Variants in MRPL42 observed in about 807,000 individuals in gnomAD.
The protein encoded by MRPL42 is large ribosomal subunit protein mL42.
In MRPL42, 17 loss-of-function variants were observed where a neutral mutation model predicts 17.9. The observed-to-expected ratio is 0.95, with a 90% CI of 0.65 to 1.42. MRPL42 has a LOEUF of 1.42. MRPL42 is among the 40% of genes most tolerant of loss of function. The probability of loss-of-function intolerance (pLI) is 0.00; values close to 1 mark genes in which losing one functional copy is unlikely to be tolerated. For synonymous variants in MRPL42, 59 were observed against 54.4 expected (o/e 1.08, Z -0.37); for missense variants, 177 against 175.2 (o/e 1.01, Z -0.06).
At chr12:93,492,276 C>T (rs1319399255) in intron 5 of MRPL42, among the ~76,000 whole-genome samples, 2 of 152,172 alleles carry the variant, frequency 1.3e-5, no homozygotes, top group African/African-American at 4.8e-5. Flanking sequence ...GCCTTGCCAA[C>T]ATTTATTATT....
chr12:93,473,327 C>T (rs1404226625), intron 2 of MRPL42, among the ~76,000 whole-genome samples: 1 of 151,938 alleles, frequency 6.6e-6, no homozygotes, highest in African/African-American at 2.4e-5. Context: ...GTGGTGCAGT[C>T]TTGGCCCACT....
chr12:93,507,437 T>C lies in MRPL42; in HGVS notation c.*6216T>C, dbSNP rs1953682658. 1 of 152,238 alleles carries C rather than the reference T, an allele frequency of 6.6e-6. No homozygotes were observed. Among genetic ancestry groups the C allele is most frequent in the Non-Finnish European group, 1.5e-5 (1 of 68,046 alleles). 9.4% of individuals were successfully genotyped at this position (152,238 alleles called of 1,614,324 possible). A position where few individuals can be genotyped will look rare whatever the true frequency, so the allele number is the denominator to read the frequency against. ...AGAAACTTTCAGTTTCTTTTAAGGA[T>C]TTAATAACTTGCTTATAAGTGTTTA... On this transcript the variant is annotated 3_prime_UTR_variant, in exon 6 of 6. Coordinates refer to ENST00000549982, the MANE Select transcript of MRPL42 (RefSeq NM_014050.4).
At chr12:93,500,632 TGTG>T (rs1953572781) in intron 5 of MRPL42, 1 of 152,256 alleles carries the variant, frequency 6.6e-6, no homozygotes, top group South Asian at 2.1e-4. Flanking sequence ...ATGTTCACGA[TGTG>T]GTGTTTCTTT....
chr12:93,473,627 C>T (rs1880013067), intron 2 of MRPL42, among the ~76,000 whole-genome samples: 2 of 151,860 alleles, frequency 1.3e-5, no homozygotes, highest in African/African-American at 4.8e-5. Flanking sequence ...GATGGGGTTC[C>T]ACCATGTTGA....
intron 5 of MRPL42, 27 bp from the exon 6 acceptor site, chr12:93,501,149 T>C (rs1427871485): frequency 1.7e-5 from 26 of 1,526,650 alleles, no homozygotes; most frequent in Non-Finnish European, 2.3e-5. Flanking sequence ...AAAATCATCT[T>C]ATTCCAAGTA....
chr12:93,470,602 A>G (rs772562685), intron 2 of MRPL42: 38 of 1,188,832 alleles, frequency 3.2e-5, no homozygotes, highest in African/African-American at 6.3e-5. Flanking sequence ...TAGTTTTTCA[A>G]CTCTTCCCTC....
intron 2 of MRPL42, among the ~76,000 whole-genome samples, chr12:93,471,408 C>T (rs1459799002): frequency 6.6e-6 from 1 of 152,102 alleles, no homozygotes; most frequent in Non-Finnish European, 1.5e-5. Flanking sequence ...AAATGATCCT[C>T]CTGCCTTGGC....
rs1592796457 is a variant in MRPL42 at position 93,515,924 on chromosome 12, C to T, written c.*14703C>T. On this transcript the variant is annotated 3_prime_UTR_variant, in exon 6 of 6. Coordinates refer to ENST00000549982, the MANE Select transcript of MRPL42 (RefSeq NM_014050.4). ...GGTCATGGTGCCATCCAGAAAATAC[C>T]AAAAATCACCCTCTCTCAGCTAAAA... is the stretch of plus-strand genomic sequence containing the variant. 6.6e-6 allele frequency: 1 copy of T among 152,076 alleles called. No individual in the cohort carries two copies. Among genetic ancestry groups the T allele is most frequent in the East Asian group, 1.9e-4 (1 of 5,200 alleles). 9.4% of individuals were successfully genotyped at this position (152,076 alleles called of 1,614,324 possible).
chr12:93,491,286 T>C (rs186339571), intron 5 of MRPL42, among the ~76,000 whole-genome samples: 1 of 152,328 alleles, frequency 6.6e-6, no homozygotes, highest in African/African-American at 2.4e-5. Context: ...CCATAGGGAA[T>C]TGGGTATAAT....
chr12:93,485,335 T>A (rs1223677144), intron 4 of MRPL42, among the ~76,000 whole-genome samples: 3 of 151,530 alleles, frequency 2.0e-5, no homozygotes, highest in Non-Finnish European at 4.4e-5. Flanking sequence ...GCTAATTTTT[T>A]GTATTTTTTG....
intron 5 of MRPL42, among the ~76,000 whole-genome samples, chr12:93,490,864 A>C (rs928773674): frequency 6.6e-6 from 1 of 152,208 alleles, no homozygotes; most frequent in African/African-American, 2.4e-5. Flanking sequence ...TTTTATTAAA[A>C]GGTATAAAAC....
intron 5 of MRPL42, among the ~76,000 whole-genome samples, chr12:93,491,549 G>A (rs1181302410): frequency 6.6e-6 from 1 of 152,150 alleles, no homozygotes; most frequent in Admixed American, 6.5e-5. Context: ...CTTTCACTAT[G>A]TATATATGTA....
intron 5 of MRPL42, among the ~76,000 whole-genome samples, chr12:93,494,520 C>G (rs928875428): frequency 6.6e-6 from 1 of 152,140 alleles, no homozygotes; most frequent in African/African-American, 2.4e-5. Context: ...CTGGCATTAA[C>G]TGAGAGAGCA....
At chr12:93,491,860 C>A (rs1218085437) in intron 5 of MRPL42, among the ~76,000 whole-genome samples, 1 of 152,196 alleles carries the variant, frequency 6.6e-6, no homozygotes, top group Non-Finnish European at 1.5e-5. Flanking sequence ...CACGTGAGAA[C>A]GTGTGGTATT....
intron 4 of MRPL42, among the ~76,000 whole-genome samples, chr12:93,485,146 C>T (rs1275837758): frequency 1.4e-5 from 2 of 146,070 alleles, no homozygotes; most frequent in African/African-American, 2.5e-5. Flanking sequence ...AGCCACTGCA[C>T]GTGGCCCACA....
In MRPL42 at chr12:93,501,336, ATATATTAGAATG is replaced by A; in HGVS notation, c.*117_*128del. Reference sequence around the variant, plus strand: ...AGTAATAATGATAAAATATCTTTTCATATATTAGAATGTGTACTTTTATATAAAGTAATTCTG... The same window carrying A: ...AGTAATAATGATAAAATATCTTTTCATGTACTTTTATATAAAGTAATTCTG... On this transcript the variant is annotated 3_prime_UTR_variant, in exon 6 of 6. Transcript: ENST00000549982. 1 of 573,098 alleles carries A rather than the reference ATATATTAGAATG, an allele frequency of 1.7e-6. No individual in the cohort carries two copies. Among genetic ancestry groups the A allele is most frequent in the Non-Finnish European group, 2.8e-6 (1 of 354,700 alleles). 35.5% of individuals were successfully genotyped at this position (573,098 alleles called of 1,614,324 possible). A position where few individuals can be genotyped will look rare whatever the true frequency, so the allele number is the denominator to read the frequency against.
Position 93,475,001 on chromosome 12 carries a change from G to A in MRPL42, c.71-1953G>A, listed in dbSNP as rs189130975. 3.1e-4 allele frequency among the ~76,000 whole-genome samples: 47 copies of A among 152,308 alleles called. 1 individual carries two copies. The highest frequency in any genetic ancestry group is 2.9e-3 in the Admixed American group (44 of 15,302). On this transcript the variant is annotated intron_variant, in intron 2 of 5. Coordinates refer to ENST00000549982, the MANE Select transcript of MRPL42 (RefSeq NM_014050.4). ...TCAGCTACTCGAGGGACTGAGGTAG[G>A]AGAATTGCTTGAACATGGGAGGCGG...
At chr12:93,468,723 TTTA>T (rs889341261) in intron 1 of MRPL42, among the ~76,000 whole-genome samples, 71 of 152,058 alleles carry the variant, frequency 4.7e-4, no homozygotes, top group African/African-American at 1.6e-3. Context: ...TTGATATTTC[TTTA>T]TTATTATTAT....
intron 5 of MRPL42, among the ~76,000 whole-genome samples, chr12:93,490,379 T>C (rs1020085600): frequency 6.6e-6 from 1 of 152,230 alleles, no homozygotes; most frequent in African/African-American, 2.4e-5. Context: ...AAAGTGACTT[T>C]AATTAGATTA....
Sources: gnomAD v4.1 joint callset for allele counts (sites outside exome capture counted in the v4.1 genomes callset) on GRCh38, gnomAD v4.1.1 for gene constraint, MANE v1.5 for transcripts, NCBI Gene and HGNC (gene_info 2026-07-23, HGNC 2026-07-21) for gene names.